GAD2: variants seen among roughly 807,000 people sequenced by gnomAD.
GAD2 encodes the protein 65 kDa glutamic acid decarboxylase.
GAD2 carries 22 observed loss-of-function variants against 80.1 expected under a neutral mutation model. The ratio of observed to expected loss-of-function variants is 0.27; its 90% CI spans 0.20 to 0.39. GAD2 has a LOEUF of 0.39. Ranked by LOEUF, GAD2 falls within the 10% of genes least tolerant of loss-of-function variation. The pLI, the probability that GAD2 is intolerant of heterozygous loss-of-function variation, is 1.00. For synonymous variants in GAD2, 274 were observed against 256.9 expected, an observed-to-expected ratio of 1.07 and a Z score of -0.64; for missense variants, 624 against 738.4, an observed-to-expected ratio of 0.85 and a Z score of 1.80.
intron 6 of GAD2, among the ~76,000 whole-genome samples, chr10:26,225,451 C>T (rs951644628): frequency 2.6e-5 from 4 of 152,146 alleles, no homozygotes; most frequent in African/African-American, 9.7e-5. Context: ...AAAAGAAACC[C>T]GATGTGCAGA....
At chr10:26,272,797 G>A (rs1845151233) in intron 10 of GAD2, among the ~76,000 whole-genome samples, 1 of 152,230 alleles carries the variant, frequency 6.6e-6, no homozygotes, top group Non-Finnish European at 1.5e-5. Flanking sequence ...CCAGGAGGCA[G>A]AGGTTGCAGT....
chr10:26,280,978 G>T (rs1845264337), intron 11 of GAD2, 31 bp from the exon 12 acceptor site: 4 of 1,548,702 alleles, frequency 2.6e-6, no homozygotes, highest in Non-Finnish European at 2.7e-6. Flanking sequence ...AGGGTGGAGT[G>T]CCACCCGCTT....
At chr10:26,250,780 A>G (rs76043114) in intron 8 of GAD2, among the ~76,000 whole-genome samples, 3,807 of 152,176 alleles carry the variant, frequency 0.025, 141 homozygotes, top group African/African-American at 0.086. Context: ...CAGAAAAATC[A>G]TAGTTCCACT....
rs749051725 is a variant in GAD2 at position 26,286,375 on chromosome 10, G to A, written c.1267G>A (p.Ala423Thr). ...GLMQNCNQMH[A>T]SYLFQQDKHY... ...GATGCAGAATTGCAACCAAATGCATGCCTCCTACCTCTTTCAGCAAGATAA... is the reference window on the plus strand; with the variant it reads ...GATGCAGAATTGCAACCAAATGCATACCTCCTACCTCTTTCAGCAAGATAA... Residue 423 changes from alanine to threonine, a missense_variant, in exon 13 of 16, where the codon GCC becomes ACC. Physicochemically the swap from Ala to Thr is moderately conservative, Grantham distance 58. Transcript: ENST00000376261. 2.5e-6 allele frequency: 4 copies of A among 1,613,556 alleles called. No individual in the cohort carries two copies. The highest frequency in any genetic ancestry group is 3.4e-6 in the Non-Finnish European group (4 of 1,179,848).
chr10:26,218,250 G>A (rs1844406692), intron 3 of GAD2: 2 of 389,748 alleles, frequency 5.1e-6, no homozygotes, highest in Admixed American at 4.3e-5. Flanking sequence ...TGGGATGGCG[G>A]GTGGCCGACG....
chr10:26,229,753 G>C lies in GAD2; in HGVS notation c.816G>C (p.Arg272Ser), dbSNP rs1055520852. 2.9e-5 allele frequency: 47 copies of C among 1,613,432 alleles called. No individual in the cohort carries two copies. The highest frequency in any genetic ancestry group is 3.9e-5 in the Non-Finnish European group (46 of 1,179,508). The change falls in exon 7 of 16, where the codon AGG becomes AGC. Residue 272 changes from arginine to serine, a missense_variant. By Grantham distance (110) the Arg-to-Ser change is moderately radical. Transcript: ENST00000376261. The part of the protein sequence containing the change: ...VKEKGMAALP[R>S]LIAFTSEHSH... ...AGAAAGGAATGGCTGCTCTTCCCAG[G>C]CTCATTGCCTTCACGTCTGAACATG...
chr10:26,248,155 G>T (rs11015011), intron 8 of GAD2, among the ~76,000 whole-genome samples: 4,009 of 152,238 alleles, frequency 0.026, 189 homozygotes, highest in African/African-American at 0.091. Flanking sequence ...GATAATTTCA[G>T]GAAAGCAGAA....
At position 26,303,622 on chromosome 10, in the gene GAD2, A is replaced by G. The variant is rs1834352221; in HGVS notation, c.*2661A>G. On this transcript the variant is annotated 3_prime_UTR_variant, in exon 16 of 16. Coordinates refer to ENST00000376261, the MANE Select transcript of GAD2 (RefSeq NM_001134366.2). ...AAGTTTGGTTTTAGCTTTAATCAGAACTGACATGGCCATTTTCATTTATAC... is the reference window on the plus strand; with the variant it reads ...AAGTTTGGTTTTAGCTTTAATCAGAGCTGACATGGCCATTTTCATTTATAC... The G allele has an allele frequency of 6.6e-6, 1 of 152,224 alleles. No homozygotes were observed. 9.4% of individuals were successfully genotyped at this position (152,224 alleles called of 1,614,324 possible).
Position 26,245,906 on chromosome 10 carries a change from A to C in GAD2, c.841-15A>C. On this transcript the variant is annotated splice_polypyrimidine_tract_variant and intron_variant, in intron 7 of 15. Coordinates refer to ENST00000376261, the MANE Select transcript of GAD2 (RefSeq NM_001134366.2). ...TATATGGAACTAATTGCAAATATAT[A>C]TATTTTTTTTACAGAGTCATTTTTC... 1 of 1,595,650 alleles carries C rather than the reference A, an allele frequency of 6.3e-7. No individual in the cohort carries two copies. The highest frequency in any genetic ancestry group is 8.6e-7 in the Non-Finnish European group (1 of 1,164,378).
intron 6 of GAD2, 198 bp downstream of exon 6, chr10:26,224,849 C>G (rs1196013250): frequency 1.8e-6 from 1 of 545,068 alleles, no homozygotes; most frequent in Non-Finnish European, 3.2e-6. Flanking sequence ...GCTTGAACAT[C>G]AGTTATTTGT....
At chr10:26,255,475 C>T (rs1844931295) in intron 8 of GAD2, among the ~76,000 whole-genome samples, 1 of 151,986 alleles carries the variant, frequency 6.6e-6, no homozygotes, top group South Asian at 2.1e-4. Context: ...GGAGGCAGGG[C>T]TGAAGCTGGA....
intron 6 of GAD2, among the ~76,000 whole-genome samples, chr10:26,226,954 G>T (rs1209224862): frequency 6.6e-6 from 1 of 152,096 alleles, no homozygotes; most frequent in Non-Finnish European, 1.5e-5. Context: ...AGCTAACAGG[G>T]TTTTCATAAT....
chr10:26,218,551 T>TCACACA (rs59054319), intron 3 of GAD2, among the ~76,000 whole-genome samples: 15,639 of 118,702 alleles, frequency 0.13, 1,393 homozygotes, highest in South Asian at 0.18. Context: ...TCTCTCTCTC[T>TCACACA]CACACACACA....
At chr10:26,222,378 C>T (rs1289828570) in intron 4 of GAD2, among the ~76,000 whole-genome samples, 1 of 151,812 alleles carries the variant, frequency 6.6e-6, no homozygotes, top group African/African-American at 2.4e-5. Flanking sequence ...GAATTATAAT[C>T]CTTATTAATT....
Position 26,216,885 on chromosome 10 carries a change from G to A in GAD2, c.76G>A (p.Ala26Thr). The A allele has an allele frequency of 6.2e-7, 1 of 1,609,902 alleles. No individual in the cohort carries two copies. Among genetic ancestry groups the A allele is most frequent in the Non-Finnish European group, 8.5e-7 (1 of 1,178,218 alleles). The change falls in exon 1 of 16, where the codon GCG becomes ACG. Residue 26 changes from alanine to threonine, a missense_variant and splice_region_variant. Coordinates refer to ENST00000376261, the MANE Select transcript of GAD2 (RefSeq NM_001134366.2). The surrounding 1 kb of genome is among the most constrained non-coding windows in gnomAD (Gnocchi z 4.7). ...TGGGGATTCCGAGAATCCCGGCACAGGTAGGAAGGAGAACGGGGGCCTGCG... is the reference window on the plus strand; with the variant it reads ...TGGGGATTCCGAGAATCCCGGCACAAGTAGGAAGGAGAACGGGGGCCTGCG... ...GSGDSENPGT[A>T]RAWCQVAQKF...
intron 13 of GAD2, among the ~76,000 whole-genome samples, chr10:26,288,402 G>A (rs1834172652): frequency 6.6e-6 from 1 of 152,172 alleles, no homozygotes. Flanking sequence ...CCTGGTAATG[G>A]TGGGGTGACG....
At chr10:26,231,081 C>T (rs1428858793) in intron 7 of GAD2, among the ~76,000 whole-genome samples, 7 of 152,128 alleles carry the variant, frequency 4.6e-5, no homozygotes, top group Non-Finnish European at 1.5e-5. Context: ...CAGAGCCACA[C>T]TCCATTCTCA....
At chr10:26,264,388 C>T (rs1392545621) in intron 8 of GAD2, among the ~76,000 whole-genome samples, 1 of 150,552 alleles carries the variant, frequency 6.6e-6, no homozygotes, top group Non-Finnish European at 1.5e-5. Context: ...CTACTCACTG[C>T]AAGCTCTGCC....
chr10:26,294,586 A>G (rs923456787), intron 15 of GAD2, among the ~76,000 whole-genome samples: 3 of 152,198 alleles, frequency 2.0e-5, no homozygotes, highest in Non-Finnish European at 4.4e-5. Flanking sequence ...GATGATTCCA[A>G]TGTGCACCTC....
Sources: gnomAD v4.1 joint callset for allele counts (sites outside exome capture counted in the v4.1 genomes callset) on GRCh38, gnomAD v4.1.1 for gene constraint, Gnocchi (gnomAD v3.1) non-coding constraint, MANE v1.5 for transcripts, NCBI Gene and HGNC (gene_info 2026-07-23, HGNC 2026-07-21) for gene names.